CNTN5: variants seen among roughly 807,000 people sequenced by gnomAD.
The protein encoded by CNTN5 is contactin-5.
CNTN5 carries 77 observed loss-of-function variants against 129.1 expected under a neutral mutation model. The ratio of observed to expected loss-of-function variants is 0.60; its 90% CI spans 0.50 to 0.72. The LOEUF (loss-of-function observed/expected upper bound fraction) is 0.72. Among genes scored for constraint, CNTN5 ranks in the 30% least tolerant of loss-of-function variants. The pLI, the probability that CNTN5 is intolerant of heterozygous loss-of-function variation, is 0.00. For synonymous variants in CNTN5, 509 were observed against 465.6 expected, an observed-to-expected ratio of 1.09 and a Z score of -1.20; for missense variants, 1,478 against 1,328.8, an observed-to-expected ratio of 1.11 and a Z score of -1.75.
At chr11:99,355,168 T>A (rs762752211) in intron 2 of CNTN5, among the ~76,000 whole-genome samples, 6 of 152,210 alleles carry the variant, frequency 3.9e-5, no homozygotes, top group Non-Finnish European at 8.8e-5. Flanking sequence ...GATTGTAACA[T>A]GTTTCGTTTT....
intron 1 of CNTN5, among the ~76,000 whole-genome samples, chr11:99,096,166 ATATCT>A: frequency 6.6e-6 from 1 of 151,914 alleles, no homozygotes; most frequent in Non-Finnish European, 1.5e-5. Context: ...TGTGATAAAA[ATATCT>A]TAATATACAT....
chr11:99,644,307 T>G (rs577537898), intron 3 of CNTN5, among the ~76,000 whole-genome samples: 37 of 152,340 alleles, frequency 2.4e-4, no homozygotes, highest in African/African-American at 8.7e-4. Flanking sequence ...GAAGGAAAAC[T>G]GCTACCTCAC....
intron 7 of CNTN5, among the ~76,000 whole-genome samples, chr11:99,925,236 TA>T (rs1452985128): frequency 6.6e-6 from 1 of 152,178 alleles, no homozygotes; most frequent in African/African-American, 2.4e-5. Flanking sequence ...AATAAAATCA[TA>T]ATAATCAGTT....
intron 7 of CNTN5, among the ~76,000 whole-genome samples, chr11:99,956,063 G>A (rs1950795017): frequency 6.6e-6 from 1 of 151,656 alleles, no homozygotes. Context: ...ACATAATAAT[G>A]TTTAGTTAGG....
intron 1 of CNTN5, among the ~76,000 whole-genome samples, chr11:99,192,473 A>G (rs1410811299): frequency 6.6e-6 from 1 of 151,926 alleles, no homozygotes; most frequent in Non-Finnish European, 1.5e-5. Flanking sequence ...AAAACAATAT[A>G]TAAGTAAGTA....
intron 3 of CNTN5, among the ~76,000 whole-genome samples, chr11:99,795,820 G>A (rs112557914): frequency 3.3e-5 from 5 of 152,174 alleles, no homozygotes; most frequent in African/African-American, 1.2e-4. Context: ...TGAGGTCACT[G>A]ACTTAGTTAT....
chr11:99,984,113 C>A lies in CNTN5; in HGVS notation c.878-17921C>A, dbSNP rs564267728. ...TGAAACCCCATTTCTACTAAAAATA[C>A]ACACAAAAAATTTTTTAGCTGGGCA... is the stretch of plus-strand genomic sequence containing the variant. On this transcript the variant is annotated intron_variant, in intron 8 of 24. Transcript: ENST00000524871. Among the ~76,000 whole-genome samples the A allele has an allele frequency of 2.6e-5, 4 of 152,090 alleles. No homozygotes were observed. The South Asian group carries it at 8.3e-4, about 32-fold the overall frequency.
At position 100,148,635 on chromosome 11, in the gene CNTN5, C is replaced by T. The variant is rs1946937908; in HGVS notation, c.1581-42491C>T. Among the ~76,000 whole-genome samples the T allele has an allele frequency of 2.0e-5, 3 of 152,136 alleles. No homozygotes were observed. In the South Asian group the frequency reaches 6.2e-4, roughly 32 times the overall value. On this transcript the variant is annotated intron_variant, in intron 13 of 24. Coordinates refer to ENST00000524871, the MANE Select transcript of CNTN5 (RefSeq NM_014361.4). ...TCTTTGGTGTACTGGACTAATGTGCCTTCTGTGAGATGCATGAAGCCCCCG... is the reference window on the plus strand; with the variant it reads ...TCTTTGGTGTACTGGACTAATGTGCTTTCTGTGAGATGCATGAAGCCCCCG...
At chr11:99,438,032 T>C (rs1943669118) in intron 2 of CNTN5, among the ~76,000 whole-genome samples, 1 of 152,190 alleles carries the variant, frequency 6.6e-6, no homozygotes, top group South Asian at 2.1e-4. Flanking sequence ...TAAGAATGTT[T>C]ATATATCATT....
chr11:99,255,028 T>C (rs943550808), intron 1 of CNTN5, among the ~76,000 whole-genome samples: 1 of 151,958 alleles, frequency 6.6e-6, no homozygotes, highest in Non-Finnish European at 1.5e-5. Context: ...AAAACTAAGA[T>C]ACTTATCCAA....
chr11:100,029,945 C>T (rs1326212910), intron 9 of CNTN5, among the ~76,000 whole-genome samples: 3 of 152,168 alleles, frequency 2.0e-5, no homozygotes, highest in African/African-American at 7.2e-5. Context: ...AGTTCTTGTG[C>T]TTTACTTGAA....
At position 99,265,822 on chromosome 11, in the gene CNTN5, A is replaced by G. The variant is rs182146159; in HGVS notation, c.-209-59524A>G. On this transcript the variant is annotated intron_variant, in intron 1 of 24. Transcript: ENST00000524871. ...ATGAAATAGGCTTTAAAATAATAAA[A>G]TCTCATTCACTCGGTAAGTAGCTGT... Among the ~76,000 whole-genome samples the G allele has an allele frequency of 9.7e-4, 147 of 152,162 alleles. 1 individual carries two copies. In the East Asian group the frequency reaches 0.021, roughly 21 times the overall value.
chr11:100,028,025 T>C (rs945334994), intron 9 of CNTN5, among the ~76,000 whole-genome samples: 5 of 152,196 alleles, frequency 3.3e-5, no homozygotes, highest in African/African-American at 1.2e-4. Flanking sequence ...TAAAGTTACC[T>C]GCATTTGGAA....
At chr11:100,030,765 T>C (rs980138188) in intron 9 of CNTN5, among the ~76,000 whole-genome samples, 5 of 152,244 alleles carry the variant, frequency 3.3e-5, no homozygotes, top group African/African-American at 1.2e-4. Flanking sequence ...AGATAAAGCA[T>C]ACTTCTTAGG....
chr11:99,211,221 C>G (rs979965056), intron 1 of CNTN5, among the ~76,000 whole-genome samples: 1 of 152,008 alleles, frequency 6.6e-6, no homozygotes, highest in Non-Finnish European at 1.5e-5. Flanking sequence ...TCATGGTATT[C>G]TCTTTCTTTG....
intron 3 of CNTN5, among the ~76,000 whole-genome samples, chr11:99,704,840 C>G (rs1954685301): frequency 6.6e-6 from 1 of 151,224 alleles, no homozygotes; most frequent in Non-Finnish European, 1.5e-5. Flanking sequence ...AGAATTTCCT[C>G]TTTGTCATCA....
chr11:99,044,498 C>G (rs1233864241), intron 1 of CNTN5, among the ~76,000 whole-genome samples: 1 of 152,112 alleles, frequency 6.6e-6, no homozygotes, highest in African/African-American at 2.4e-5. Flanking sequence ...TTCACCTCTT[C>G]CACATCTTCT....
intron 3 of CNTN5, among the ~76,000 whole-genome samples, chr11:99,620,055 A>C (rs1201884046): frequency 6.6e-6 from 1 of 151,544 alleles, no homozygotes; most frequent in African/African-American, 2.4e-5. Context: ...CAAAGCTTAG[A>C]TCAGTTGAGG....
chr11:99,748,478 T>C (rs1764199288), intron 3 of CNTN5, among the ~76,000 whole-genome samples: 1 of 151,504 alleles, frequency 6.6e-6, no homozygotes, highest in African/African-American at 2.4e-5. Context: ...AATTAACTCA[T>C]GGAATTCTGG....
Sources: gnomAD v4.1 joint callset for allele counts (sites outside exome capture counted in the v4.1 genomes callset) on GRCh38, gnomAD v4.1.1 for gene constraint, MANE v1.5 for transcripts, NCBI Gene and HGNC (gene_info 2026-07-23, HGNC 2026-07-21) for gene names.